Variants in RASA3 observed in about 807,000 individuals in gnomAD.
RASA3 encodes the protein ras GTPase-activating protein 3.
RASA3 carries 73 observed loss-of-function variants against 110.0 expected under a neutral mutation model. The observed-to-expected ratio is 0.66, with a 90% CI of 0.55 to 0.81. The LOEUF is 0.81. RASA3 is among the 30% of genes least tolerant of loss of function. The pLI is 0.00. For synonymous variants in RASA3, 500 were observed against 451.4 expected (o/e 1.11, Z -1.37); for missense variants, 976 against 1,113.2 (o/e 0.88, Z 1.75).
chr13:114,030,412 A>AAGGCTCACACAGAGG (rs2054130094), intron 4 of RASA3, among the ~76,000 whole-genome samples: 1 of 59,920 alleles, frequency 1.7e-5, no homozygotes, highest in African/African-American at 5.3e-5. Context: ...TCACGCAGAG[A>AAGGCTCACACAGAGG]GCAAGACTCA....
intron 3 of RASA3, among the ~76,000 whole-genome samples, chr13:114,041,471 C>T (rs537002304): frequency 2.1e-4 from 32 of 152,390 alleles, no homozygotes; most frequent in South Asian, 1.2e-3. Context: ...CGCGAACGTC[C>T]GCTCCATCGG....
Position 114,009,814 on chromosome 13 carries a change from T to C in RASA3, c.1591-350A>G, listed in dbSNP as rs560193719. 2.3e-3 allele frequency among the ~76,000 whole-genome samples: 344 copies of C among 152,274 alleles called. 6 individuals are homozygous for C. The highest frequency in any genetic ancestry group is 8.0e-3 in the African/African-American group (332 of 41,568). Reference sequence around the variant, plus strand: ...GTGGCTGCCTGGGAACCTGGAGTCATAGGCCAGGGTCCCAGAGCCCCCACG... The same window carrying C: ...GTGGCTGCCTGGGAACCTGGAGTCACAGGCCAGGGTCCCAGAGCCCCCACG... On this transcript the variant is annotated intron_variant, in intron 16 of 23. Transcript: ENST00000334062.
chr13:114,082,640 C>G (rs933371572), intron 1 of RASA3, among the ~76,000 whole-genome samples: 4 of 152,144 alleles, frequency 2.6e-5, no homozygotes, highest in African/African-American at 9.7e-5. Context: ...TGGGGGCAGC[C>G]CCAGAGAAGG....
In RASA3 at chr13:114,013,190, C is replaced by T. The variant is rs551014544; in HGVS notation, c.1464G>A (p.Ala488=). The change falls in exon 15 of 24, where the codon GCG becomes GCA. Residue 488 remains alanine, a synonymous_variant. Transcript: ENST00000334062. ...VSSFIFLRFF[A]PAILSPNLFQ... ...AGAGGTTGGGGGAGAGAATGGCGGGCGCAAAGAACCTCAGGAAGATGAAGC... is the reference window on the plus strand; with the variant it reads ...AGAGGTTGGGGGAGAGAATGGCGGGTGCAAAGAACCTCAGGAAGATGAAGC... 1.1e-5 allele frequency: 17 copies of T among 1,612,718 alleles called. No individual in the cohort carries two copies. In the African/African-American group the frequency reaches 1.7e-4, roughly 16 times the overall value.
chr13:114,020,582 G>T (rs1231635416), intron 9 of RASA3, among the ~76,000 whole-genome samples: 1 of 152,228 alleles, frequency 6.6e-6, no homozygotes, highest in Non-Finnish European at 1.5e-5. Context: ...GCCTGGGAGT[G>T]CACGCTTCCC....
intron 15 of RASA3, among the ~76,000 whole-genome samples, chr13:114,012,477 A>C (rs78775360): frequency 0.015 from 2,163 of 139,682 alleles, 59 homozygotes; most frequent in African/African-American, 0.056. Context: ...CACACTCCCC[A>C]TTCCAAACGC....
intron 1 of RASA3, among the ~76,000 whole-genome samples, chr13:114,083,432 G>T (rs1270047043): frequency 6.6e-6 from 1 of 152,256 alleles, no homozygotes; most frequent in Non-Finnish European, 1.5e-5. Context: ...CCGTTCAGAG[G>T]CACCCACACC....
chr13:114,127,220 G>A (rs942435205), intron 1 of RASA3, among the ~76,000 whole-genome samples: 6 of 152,230 alleles, frequency 3.9e-5, no homozygotes, highest in Non-Finnish European at 7.3e-5. Context: ...TAGCTCCAAA[G>A]AAGCAAGTCA....
At chr13:113,980,364 GCCT>G (rs1212739462) in intron 23 of RASA3, among the ~76,000 whole-genome samples, 1 of 132,204 alleles carries the variant, frequency 7.6e-6, no homozygotes, top group East Asian at 2.3e-4. Context: ...ATGTGTGTGC[GCCT>G]CCTCCGTGTG....
intron 1 of RASA3, among the ~76,000 whole-genome samples, chr13:114,127,142 C>T (rs2080461578): frequency 6.6e-6 from 1 of 152,270 alleles, no homozygotes; most frequent in Non-Finnish European, 1.5e-5. Flanking sequence ...CAGGGAGACG[C>T]CGCTCATCCA....
At chr13:114,077,707 G>T in intron 1 of RASA3, 1 of 682,900 alleles carries the variant, frequency 1.5e-6, no homozygotes, top group Non-Finnish European at 1.8e-6. Context: ...TGGCACCAAG[G>T]CACCGGGTTC....
chr13:114,032,142 T>C (rs1216381487), intron 4 of RASA3, among the ~76,000 whole-genome samples: 1 of 152,116 alleles, frequency 6.6e-6, no homozygotes, highest in African/African-American at 2.4e-5. Context: ...CCCTAAATTG[T>C]TTTTCAAAAA....
At chr13:114,013,761 T>A (rs1390641561) in intron 14 of RASA3, among the ~76,000 whole-genome samples, 1 of 133,662 alleles carries the variant, frequency 7.5e-6, no homozygotes, top group Non-Finnish European at 1.6e-5. Context: ...TCTCTCTCCA[T>A]CTCTCTGTCT....
At position 114,016,201 on chromosome 13, in the gene RASA3, T is replaced by G. The variant is rs756422955; in HGVS notation, c.1277A>C (p.Asn426Thr). The change falls in exon 13 of 24, where the codon AAC becomes ACC. Residue 426 changes from asparagine to threonine, a missense_variant. Physicochemically the swap from Asn to Thr is moderately conservative, Grantham distance 65 (BLOSUM62 0). Around this residue, in one of 4 missense-constraint regions of RASA3, gnomAD observed 732 missense variants for 779.7 expected, o/e 0.94. Transcript: ENST00000334062. ...KLKDGENLEN[N>T]MENLRQYVDR... ...TGGTTCATGAACAAAACCTACCATG[T>G]TGTTTTCAAGGTTTTCTCCGTCTTT... is the stretch of plus-strand genomic sequence containing the variant. 13 of 1,585,700 alleles carry G rather than the reference T, an allele frequency of 8.2e-6. No individual in the cohort carries two copies. The highest frequency in any genetic ancestry group is 6.1e-6 in the Non-Finnish European group (7 of 1,154,602).
intron 1 of RASA3, among the ~76,000 whole-genome samples, chr13:114,124,703 C>A (rs1232221610): frequency 6.6e-6 from 1 of 152,274 alleles, no homozygotes. Flanking sequence ...CACTGCTGGA[C>A]GCCCGCTGCG....
At chr13:114,131,377 C>T (rs1222397980) in intron 1 of RASA3, among the ~76,000 whole-genome samples, 3 of 152,144 alleles carry the variant, frequency 2.0e-5, no homozygotes, top group African/African-American at 7.2e-5. Flanking sequence ...TGTGGTCCAG[C>T]ACACTCATGG....
chr13:114,040,747 G>A, intron 4 of RASA3, among the ~76,000 whole-genome samples: 1 of 146,482 alleles, frequency 6.8e-6, no homozygotes, highest in East Asian at 2.1e-4. Context: ...GGGCGAACAT[G>A]CACAACCCAA....
intron 12 of RASA3, 129 bp downstream of exon 12, chr13:114,017,108 G>C (rs186182094): frequency 1.9e-5 from 15 of 777,368 alleles, no homozygotes; most frequent in Non-Finnish European, 6.7e-6. Context: ...CAGCATCCCC[G>C]TGGCGAGGCC....
chr13:114,080,068 C>T (rs1026219562), intron 1 of RASA3, among the ~76,000 whole-genome samples: 2 of 152,208 alleles, frequency 1.3e-5, no homozygotes, highest in Admixed American at 6.5e-5. Context: ...GTGGGGTTTC[C>T]TCTGGGCCGA....
Sources: allele counts gnomAD v4.1 joint callset (sites outside exome capture counted in the v4.1 genomes callset), GRCh38; gene constraint gnomAD v4.1.1; regional missense constraint gnomAD v4.1.1; transcripts MANE v1.5; gene names NCBI Gene and HGNC (gene_info 2026-07-23, HGNC 2026-07-21).